Variants in UPF1 observed in about 807,000 individuals in gnomAD.
UPF1 encodes the protein UPF1 RNA helicase and ATPase.
A neutral mutation model predicts 129.2 loss-of-function variants in UPF1; 9 were observed. The observed-to-expected ratio is 0.07, with a 90% CI of 0.04 to 0.12. UPF1 has a LOEUF of 0.12. UPF1 is among the 10% of genes least tolerant of loss of function. The pLI is 1.00. For missense variants in UPF1, 788 were observed against 1,525.3 expected (o/e 0.52, Z 8.05); for synonymous variants, 649 against 644.9 (o/e 1.01, Z -0.10).
At chr19:18,846,141 C>T in intron 2 of UPF1, 22 bp downstream of exon 2, 1 of 1,613,258 alleles carries the variant, frequency 6.2e-7, no homozygotes, top group South Asian at 1.1e-5. Context: ...TCAGCTGGGC[C>T]TGGGCATGTG....
rs1040363821 is a variant in UPF1, at chr19:18,852,796, C to T, written c.973-191C>T. On this transcript the variant is annotated intron_variant, in intron 6 of 23. Coordinates refer to ENST00000262803, the MANE Select transcript of UPF1 (RefSeq NM_002911.4). ...AGACGGGATTGGCCTGTGTGTGTTCCGGGGACTCCTAATGGCTTCTCTTTC... is the reference window on the plus strand; with the variant it reads ...AGACGGGATTGGCCTGTGTGTGTTCTGGGGACTCCTAATGGCTTCTCTTTC... 1.1e-4 allele frequency among the ~76,000 whole-genome samples: 16 copies of T among 152,180 alleles called. No homozygotes were observed. The South Asian group carries it at 2.1e-3, about 20-fold the overall frequency.
chr19:18,849,791 A>G (rs992655777), intron 3 of UPF1: 4 of 421,174 alleles, frequency 9.5e-6, no homozygotes, highest in Non-Finnish European at 1.3e-5. Flanking sequence ...ATTAGGCCTG[A>G]TAAGTTGGAT....
intron 1 of UPF1, among the ~76,000 whole-genome samples, chr19:18,841,199 GTC>G (rs1455811332): frequency 6.6e-6 from 1 of 152,242 alleles, no homozygotes. Flanking sequence ...CTGTGCCTCC[GTC>G]TCCCTGATGA....
At chr19:18,834,775 AT>A (rs773475263) in intron 1 of UPF1, among the ~76,000 whole-genome samples, 63 of 152,200 alleles carry the variant, frequency 4.1e-4, no homozygotes, top group Non-Finnish European at 8.5e-4. Context: ...CTGCTAAGAT[AT>A]TTGGGAAGAC....
chr19:18,849,725 G>C, intron 3 of UPF1: 3 of 271,748 alleles, frequency 1.1e-5, no homozygotes, highest in South Asian at 7.0e-5. Context: ...AAGGGGCTGG[G>C]GCCTTGTGGG....
At chr19:18,857,564 C>T in intron 15 of UPF1, 31 bp downstream of exon 15, 6 of 1,561,426 alleles carry the variant, frequency 3.8e-6, no homozygotes, top group Non-Finnish European at 5.2e-6. Context: ...GCAGGGGCTT[C>T]TACAGAGAAG....
At chr19:18,864,846 C>T (rs1208337432) in intron 20 of UPF1, among the ~76,000 whole-genome samples, 1 of 140,436 alleles carries the variant, frequency 7.1e-6, no homozygotes, top group Non-Finnish European at 1.5e-5. Context: ...TCAAGCGATT[C>T]TCCTGCCTTG....
In UPF1 at chr19:18,864,189, C is replaced by G. The variant is rs768040821; in HGVS notation, c.2795C>G (p.Thr932Arg). 6.2e-7 allele frequency: 1 copy of G among 1,614,006 alleles called. No individual in the cohort carries two copies. The highest frequency in any genetic ancestry group is 1.1e-5 in the South Asian group (1 of 91,076). Residue 932 changes from threonine (T) to arginine (R), a missense_variant, in exon 20 of 24, where the codon ACA becomes AGA. This residue lies in a region of UPF1 where 218 missense variants were observed against 318.1 expected (regional missense o/e 0.69). Coordinates refer to ENST00000262803, the MANE Select transcript of UPF1 (RefSeq NM_002911.4). ...TINPGARFMT[T>R]AMYDAREAII... ...TCGCAGGGAGCCCGCTTCATGACCA[C>G]AGCCATGTATGATGCCCGGGAGGCC...
At chr19:18,852,835 G>A in intron 6 of UPF1, 152 bp from the exon 7 acceptor site, 1 of 663,670 alleles carries the variant, frequency 1.5e-6, no homozygotes, top group Non-Finnish European at 2.7e-6. Flanking sequence ...TGTGCCCTTG[G>A]TGGCATTTGG....
rs1239129349 is a variant in UPF1, at chr19:18,846,114, C to G, written c.366C>G (p.Ala122=). 6.2e-7 allele frequency: 1 copy of G among 1,613,880 alleles called. No individual in the cohort carries two copies. The highest frequency in any genetic ancestry group is 1.3e-5 in the African/African-American group (1 of 74,926). ...TYYTKDLPIH[A]CSYCGIHDPA... ...ACACGAAGGACCTCCCCATACACGC[C>G]TGCAGGTGAGCTGAGCTCAGCTGGG... The change falls in exon 2 of 24, where the codon GCC becomes GCG. Residue 122 remains alanine (A), a synonymous_variant. Coordinates refer to ENST00000262803, the MANE Select transcript of UPF1 (RefSeq NM_002911.4).
At chr19:18,835,348 T>C (rs2055472712) in intron 1 of UPF1, among the ~76,000 whole-genome samples, 1 of 131,184 alleles carries the variant, frequency 7.6e-6, no homozygotes, top group South Asian at 2.2e-4. Flanking sequence ...ATTTCATTCC[T>C]TTTTTTTTTT....
chr19:18,860,809 C>T lies in UPF1; in HGVS notation c.2301-17C>T, dbSNP rs1484113683. 2 of 1,611,796 alleles carry T rather than the reference C, an allele frequency of 1.2e-6. No homozygotes were observed. Among genetic ancestry groups the T allele is most frequent in the South Asian group, 2.2e-5 (2 of 90,868 alleles). ...TCCCACAGGTGGAGCCCAGCACTGA[C>T]AGCCTGGGTTTCTTAGGACCGAGGC... On this transcript the variant is annotated splice_polypyrimidine_tract_variant and intron_variant, in intron 16 of 23. Coordinates refer to ENST00000262803, the MANE Select transcript of UPF1 (RefSeq NM_002911.4).
chr19:18,847,564 A>G (rs1003534349), intron 2 of UPF1, among the ~76,000 whole-genome samples, 180 bp from the exon 3 acceptor site: 5 of 152,142 alleles, frequency 3.3e-5, no homozygotes, highest in Non-Finnish European at 7.4e-5. Context: ...CCTTCCCTGC[A>G]TTCTTGGATT....
At chr19:18,866,296 GGCCCTC>G (rs2055843457) in intron 23 of UPF1, 130 bp downstream of exon 23, 1 of 1,355,020 alleles carries the variant, frequency 7.4e-7, no homozygotes, top group African/African-American at 1.5e-5. Flanking sequence ...GGGGGTCATA[GGCCCTC>G]AGGGCCAGCT....
At chr19:18,843,906 T>A (rs1199743360) in intron 1 of UPF1, among the ~76,000 whole-genome samples, 2 of 152,078 alleles carry the variant, frequency 1.3e-5, no homozygotes, top group Non-Finnish European at 2.9e-5. Flanking sequence ...CCACCACACC[T>A]GGCTCGTTTG....
intron 18 of UPF1, 41 bp downstream of exon 18, chr19:18,862,193 G>A (rs747252272): frequency 7.5e-6 from 12 of 1,602,970 alleles, no homozygotes; most frequent in African/African-American, 6.7e-5. Context: ...GCCGCTCATC[G>A]GTCCTCACTT....
In UPF1 at chr19:18,832,563, C is replaced by CT. The variant is rs554383757; in HGVS notation, c.231+123_231+124insT. Reference sequence around the variant, plus strand: ...TCCCCCATCGCGGCCGGGCCTGGGGCGATCTGCCCCGGGTCCCCTACTCTG... The same window carrying CT: ...TCCCCCATCGCGGCCGGGCCTGGGGCTGATCTGCCCCGGGTCCCCTACTCTG... On this transcript the variant is annotated intron_variant, in intron 1 of 23. Coordinates refer to ENST00000262803, the MANE Select transcript of UPF1 (RefSeq NM_002911.4). The surrounding 1 kb of genome is among the most constrained non-coding windows in gnomAD (Gnocchi z 5.6). 2,481 of 701,216 alleles carry CT rather than the reference C, an allele frequency of 3.5e-3. 3 individuals carry two copies. Among genetic ancestry groups the CT allele is most frequent in the South Asian group, 5.5e-3 (87 of 15,816 alleles). 43.4% of individuals were successfully genotyped at this position (701,216 alleles called of 1,614,324 possible). A position where few individuals can be genotyped will look rare whatever the true frequency, so the allele number is the denominator to read the frequency against.
intron 18 of UPF1, 90 bp from the exon 19 acceptor site, chr19:18,863,348 G>T: frequency 6.6e-7 from 1 of 1,526,540 alleles, no homozygotes; most frequent in Admixed American, 1.8e-5. Flanking sequence ...TTGGATTTGG[G>T]TTCTGAGTGA....
At chr19:18,842,987 C>CAA (rs957431963) in intron 1 of UPF1, among the ~76,000 whole-genome samples, 2 of 139,030 alleles carry the variant, frequency 1.4e-5, no homozygotes, top group East Asian at 4.1e-4. Context: ...AACTCCGTCT[C>CAA]AAAAAAAAAA....
Sources: gnomAD v4.1 joint callset for allele counts (sites outside exome capture counted in the v4.1 genomes callset) on GRCh38, gnomAD v4.1.1 for gene constraint, gnomAD v4.1.1 regional missense constraint, Gnocchi (gnomAD v3.1) non-coding constraint, MANE v1.5 for transcripts, NCBI Gene and HGNC (gene_info 2026-07-23, HGNC 2026-07-21) for gene names.